Variants in SLC12A2 observed in about 807,000 individuals in gnomAD.
SLC12A2 encodes the protein solute carrier family 12 member 2.
Under a neutral mutation model 136.3 loss-of-function variants are expected in SLC12A2, and 67 were observed. That is an observed-to-expected ratio of 0.49 (90% CI 0.40 to 0.60). SLC12A2 has a LOEUF of 0.60. SLC12A2 is among the 20% of genes least tolerant of loss of function. The pLI is 0.00. For missense variants in SLC12A2, 1,322 were observed against 1,534.7 expected (o/e 0.86, Z 2.32); for synonymous variants, 619 against 562.9 (o/e 1.10, Z -1.41).
At chr5:128,125,657 T>A (rs1043828245) in intron 4 of SLC12A2, among the ~76,000 whole-genome samples, 13 of 152,188 alleles carry the variant, frequency 8.5e-5, no homozygotes, top group African/African-American at 3.1e-4. Context: ...ACGTTTACCA[T>A]TTTGATGAAG....
chr5:128,114,257 T>C lies in SLC12A2; in HGVS notation c.922T>C (p.Leu308=). Residue 308 remains leucine, a synonymous_variant, in exon 3 of 27, where the codon TTG becomes CTG. Transcript: ENST00000262461. ...TTGGGGTGTGATGCTTTTCATTAGA[T>C]TGTCATGGATTGTGGGTCAAGCTGG... The part of the protein sequence containing the change: ...NIWGVMLFIR[L]SWIVGQAGIG... 1 of 1,613,562 alleles carries C rather than the reference T, an allele frequency of 6.2e-7. No individual in the cohort carries two copies. The highest frequency in any genetic ancestry group is 8.5e-7 in the Non-Finnish European group (1 of 1,179,676).
chr5:128,139,270 TTA>T (rs200284675), intron 9 of SLC12A2, among the ~76,000 whole-genome samples: 6 of 150,672 alleles, frequency 4.0e-5, no homozygotes, highest in African/African-American at 1.5e-4. Context: ...AGATGGTTAT[TTA>T]TTTTTTTTTT....
intron 26 of SLC12A2, among the ~76,000 whole-genome samples, chr5:128,185,545 T>G (rs1763840483): frequency 6.6e-6 from 1 of 151,616 alleles, no homozygotes; most frequent in Admixed American, 6.6e-5. Context: ...AGTTTCAAGT[T>G]TTGCTGATGA....
chr5:128,157,685 G>A (rs941069045), intron 15 of SLC12A2, among the ~76,000 whole-genome samples: 2 of 152,022 alleles, frequency 1.3e-5, no homozygotes, highest in African/African-American at 4.8e-5. Flanking sequence ...AGCAGTGCTC[G>A]CAGGAAGTTA....
At chr5:128,123,574 G>A (rs1392515807) in intron 4 of SLC12A2, among the ~76,000 whole-genome samples, 1 of 152,018 alleles carries the variant, frequency 6.6e-6, no homozygotes, top group African/African-American at 2.4e-5. Context: ...CTTCCATAAT[G>A]GCTAAAGATG....
intron 1 of SLC12A2, among the ~76,000 whole-genome samples, chr5:128,086,488 A>T (rs1760103806): frequency 6.6e-6 from 1 of 152,132 alleles, no homozygotes; most frequent in Non-Finnish European, 1.5e-5. Flanking sequence ...AATAATACCT[A>T]GTTGTTATTT....
chr5:128,152,914 G>C, intron 15 of SLC12A2, 109 bp downstream of exon 15: 1 of 688,642 alleles, frequency 1.5e-6, no homozygotes. Context: ...TCGGTCTTGG[G>C]CAGTTTAATT....
chr5:128,137,197 A>G (rs1246753565), intron 7 of SLC12A2, among the ~76,000 whole-genome samples: 3 of 152,204 alleles, frequency 2.0e-5, no homozygotes, highest in Non-Finnish European at 4.4e-5. Flanking sequence ...TAACTTTTAT[A>G]AAATATTCAC....
intron 23 of SLC12A2, among the ~76,000 whole-genome samples, chr5:128,181,195 T>A (rs1349647008): frequency 6.6e-6 from 1 of 152,234 alleles, no homozygotes; most frequent in Admixed American, 6.5e-5. Flanking sequence ...TACTTAGATA[T>A]AATTTTTTTT....
chr5:128,151,535 C>T, intron 14 of SLC12A2, 139 bp downstream of exon 14: 2 of 688,092 alleles, frequency 2.9e-6, no homozygotes, highest in Non-Finnish European at 4.4e-6. Flanking sequence ...ACCTAAAATA[C>T]TTTATTTCCA....
intron 23 of SLC12A2, 74 bp from the exon 24 acceptor site, chr5:128,182,780 CT>C: frequency 1.0e-6 from 1 of 987,662 alleles, no homozygotes; most frequent in Non-Finnish European, 1.5e-6. Flanking sequence ...ATAAATCATG[CT>C]TTTTAGATAT....
At position 128,084,173 on chromosome 5, in the gene SLC12A2, G is replaced by A. The variant is rs1759948298; in HGVS notation, c.219G>A (p.Gly73=). 2 of 1,296,290 alleles carry A rather than the reference G, an allele frequency of 1.5e-6. No homozygotes were observed. The highest frequency in any genetic ancestry group is 6.5e-5 in the East Asian group (2 of 30,840). 80.3% of individuals were successfully genotyped at this position (1,296,290 alleles called of 1,614,324 possible). A position where few individuals can be genotyped will look rare whatever the true frequency, so the allele number is the denominator to read the frequency against. ...GGGACGGGCTGGGCAGACCCTTGGG[G>A]CCCACCCCGAGCCAGAGCCGTTTCC... is the stretch of plus-strand genomic sequence containing the variant. ...AAGDGLGRPL[G]PTPSQSRFQV... is the part of the protein sequence containing the mutation. Residue 73 remains glycine, a synonymous_variant, in exon 1 of 27, where the codon GGG becomes GGA. Transcript: ENST00000262461. This position sits in a 1 kb window ranked among gnomAD's most constrained non-coding sequence, Gnocchi z 5.6.
Position 128,083,946 on chromosome 5 carries a change from C to T in SLC12A2, c.-9C>T. 6 of 1,230,258 alleles carry T rather than the reference C, an allele frequency of 4.9e-6. No homozygotes were observed. The highest frequency in any genetic ancestry group is 6.1e-6 in the Non-Finnish European group (6 of 985,802). The allele number at this position is 1,230,258 out of a possible 1,614,324, so 76.2% of individuals were successfully genotyped here. A position where few individuals can be genotyped will look rare whatever the true frequency, so the allele number is the denominator to read the frequency against. ...CGGGCTCTGCAGTTCCGCCGGGGGTCGGGCAGCTATGGAGCCGCGGCCCAC... is the reference window on the plus strand; with the variant it reads ...CGGGCTCTGCAGTTCCGCCGGGGGTTGGGCAGCTATGGAGCCGCGGCCCAC... On this transcript the variant is annotated 5_prime_UTR_variant, in exon 1 of 27. Transcript: ENST00000262461.
Position 128,143,481 on chromosome 5 carries a change from C to G in SLC12A2, c.1773+1500C>G, listed in dbSNP as rs942014533. On this transcript the variant is annotated intron_variant, in intron 10 of 26. Transcript: ENST00000262461. Reference sequence around the variant, plus strand: ...TCCAGTATTTGGAGGCTGTCAGTTTCTGCTGTTTATTGTTACCTCTATTAA... The same window carrying G: ...TCCAGTATTTGGAGGCTGTCAGTTTGTGCTGTTTATTGTTACCTCTATTAA... Among the ~76,000 whole-genome samples, 8 of 152,202 alleles carry G rather than the reference C, an allele frequency of 5.3e-5. 1 individual carries two copies. The South Asian group carries it at 1.2e-3, about 24-fold the overall frequency.
chr5:128,138,427 C>G (rs941603054), intron 7 of SLC12A2, among the ~76,000 whole-genome samples, 170 bp from the exon 8 acceptor site: 2 of 152,154 alleles, frequency 1.3e-5, no homozygotes, highest in Non-Finnish European at 2.9e-5. Flanking sequence ...AAACCATTGT[C>G]TCATACAAGA....
chr5:128,124,859 C>T (rs1468285603), intron 4 of SLC12A2, among the ~76,000 whole-genome samples: 1 of 152,116 alleles, frequency 6.6e-6, no homozygotes, highest in Non-Finnish European at 1.5e-5. Context: ...GCAACTAGCA[C>T]TGTCCAATCC....
intron 9 of SLC12A2, among the ~76,000 whole-genome samples, chr5:128,140,094 A>C (rs957076860): frequency 1.3e-5 from 2 of 151,934 alleles, no homozygotes; most frequent in Non-Finnish European, 2.9e-5. Context: ...CGCCTCCCAG[A>C]TTCAAGCAAT....
In SLC12A2 at chr5:128,187,232, T is replaced by C. The variant is rs1561712448; in HGVS notation, c.*601T>C. ...AAATGGTAACCAAAAAGTAACCCCA[T>C]GGTAAGGTTTATATGAGTATATGTG... On this transcript the variant is annotated 3_prime_UTR_variant, in exon 27 of 27. Transcript: ENST00000262461. The C allele has an allele frequency of 6.6e-6, 1 of 152,624 alleles. No homozygotes were observed. The highest frequency in any genetic ancestry group is 2.4e-5 in the African/African-American group (1 of 41,396). The allele number at this position is 152,624 out of a possible 1,614,324, so 9.5% of individuals were successfully genotyped here.
intron 1 of SLC12A2, among the ~76,000 whole-genome samples, chr5:128,093,776 C>A (rs544136281): frequency 1.3e-5 from 2 of 152,242 alleles, no homozygotes; most frequent in Admixed American, 6.5e-5. Flanking sequence ...TTTGCACCAA[C>A]AAAGCTGCAG....
Sources: gnomAD v4.1 joint callset for allele counts (sites outside exome capture counted in the v4.1 genomes callset) on GRCh38, gnomAD v4.1.1 for gene constraint, Gnocchi (gnomAD v3.1) non-coding constraint, MANE v1.5 for transcripts, NCBI Gene and HGNC (gene_info 2026-07-23, HGNC 2026-07-21) for gene names.